Variants in KANSL1 observed in about 807,000 individuals in gnomAD.
The protein encoded by KANSL1 is KAT8 regulatory NSL complex subunit 1.
A neutral mutation model predicts 103.6 loss-of-function variants in KANSL1; 22 were observed. That is an observed-to-expected ratio of 0.21 (90% CI 0.15 to 0.30). The LOEUF (loss-of-function observed/expected upper bound fraction) is 0.30, where lower values mean the gene tolerates loss of function less well. KANSL1 is among the 10% of genes least tolerant of loss of function. KANSL1 has a pLI of 1.00. For synonymous variants in KANSL1, 600 were observed against 527.6 expected, an observed-to-expected ratio of 1.14 and a Z score of -1.88; for missense variants, 1,337 against 1,399.8, an observed-to-expected ratio of 0.96 and a Z score of 0.72.
chr17:46,072,939 T>C (rs970259807), intron 4 of KANSL1, among the ~76,000 whole-genome samples: 14 of 152,286 alleles, frequency 9.2e-5, no homozygotes, highest in Admixed American at 4.6e-4. Context: ...AATGCAAAAA[T>C]GCATCTTAAA....
At chr17:46,196,540 C>T (rs1248712041), upstream of KANSL1, 3 of 424,630 alleles carry the variant, frequency 7.1e-6, no homozygotes, top group African/African-American at 6.2e-5. Flanking sequence ...ATGCCACCAA[C>T]ATCAAAGGGA....
intron 2 of KANSL1, among the ~76,000 whole-genome samples, chr17:46,099,206 C>T (rs1344553494): frequency 6.9e-6 from 1 of 144,574 alleles, no homozygotes; most frequent in Admixed American, 7.1e-5. Flanking sequence ...CGCCTGTAGT[C>T]CCAGCTACTC....
chr17:46,030,240 A>AT lies in KANSL1; in HGVS notation c.*1235dup, dbSNP rs140510364. 21,656 of 150,202 alleles carry AT rather than the reference A, an allele frequency of 0.14. 2,111 individuals carry two copies. The highest frequency in any genetic ancestry group is 0.22 in the Middle Eastern group (63 of 288). 9.3% of individuals were successfully genotyped at this position (150,202 alleles called of 1,614,324 possible). A position where few individuals can be genotyped will look rare whatever the true frequency, so the allele number is the denominator to read the frequency against. ...GCATAGGGATATGGTGCATTATTGT[A>AT]TTTTTTTTTAAAGAAACAATGACAA... On this transcript the variant is annotated 3_prime_UTR_variant, in exon 15 of 15. Coordinates refer to ENST00000432791, the MANE Select transcript of KANSL1 (RefSeq NM_015443.4).
chr17:46,102,586 G>A (rs1225362117), intron 2 of KANSL1, among the ~76,000 whole-genome samples: 1 of 152,118 alleles, frequency 6.6e-6, no homozygotes, highest in Non-Finnish European at 1.5e-5. Flanking sequence ...AATTCATCCT[G>A]ACAGACCCTT....
chr17:46,036,738 G>A (rs77101615), intron 10 of KANSL1, among the ~76,000 whole-genome samples: 1 of 139,492 alleles, frequency 7.2e-6, no homozygotes, highest in Non-Finnish European at 1.6e-5. Context: ...TTTTTTTTTT[G>A]AGACGAAGTC....
chr17:46,077,940 T>C (rs1010757227), intron 4 of KANSL1, among the ~76,000 whole-genome samples: 5 of 152,202 alleles, frequency 3.3e-5, no homozygotes, highest in Non-Finnish European at 7.4e-5. Context: ...CATCTTTTTT[T>C]TTCTTTTTCC....
intron 1 of KANSL1, among the ~76,000 whole-genome samples, chr17:46,200,779 G>A (rs1330977273): frequency 6.6e-6 from 1 of 152,052 alleles, no homozygotes; most frequent in Non-Finnish European, 1.5e-5. Flanking sequence ...TTTTACGTCA[G>A]TTGCTGATTC....
intron 2 of KANSL1, among the ~76,000 whole-genome samples, chr17:46,166,806 C>T (rs575929446): frequency 6.6e-6 from 1 of 152,034 alleles, no homozygotes; most frequent in African/African-American, 2.4e-5. Context: ...ATTACAGCAC[C>T]CAGGTAATAA....
chr17:46,090,898 A>G (rs777208626), intron 3 of KANSL1, among the ~76,000 whole-genome samples: 2 of 152,166 alleles, frequency 1.3e-5, no homozygotes, highest in African/African-American at 4.8e-5. Context: ...AATAGCTGAT[A>G]ATAAAAGCTA....
At chr17:46,153,751 T>C (rs2532299) in intron 2 of KANSL1, among the ~76,000 whole-genome samples, 21,959 of 151,858 alleles carry the variant, frequency 0.14, 2,138 homozygotes, top group Non-Finnish European at 0.22. Context: ...ACCAAAAAAA[T>C]AAAGTATCAA....
intron 1 of KANSL1, among the ~76,000 whole-genome samples, chr17:46,217,011 G>A (rs1454890860): frequency 6.6e-6 from 1 of 151,848 alleles, no homozygotes; most frequent in Non-Finnish European, 1.5e-5. Context: ...GGAAGCTGAG[G>A]TGGGAGGATT....
At chr17:46,140,681 C>A (rs1460618467) in intron 2 of KANSL1, among the ~76,000 whole-genome samples, 1 of 152,158 alleles carries the variant, frequency 6.6e-6, no homozygotes, top group East Asian at 1.9e-4. Context: ...ACAAAAAACA[C>A]AATTCAACAA....
chr17:46,168,423 C>A (rs1256602030), intron 2 of KANSL1, among the ~76,000 whole-genome samples: 1 of 152,066 alleles, frequency 6.6e-6, no homozygotes, highest in Non-Finnish European at 1.5e-5. Flanking sequence ...TCTCAGCTCA[C>A]CGCAACCTCC....
In KANSL1 at chr17:46,143,855, G is replaced by A. The variant is rs924269372; in HGVS notation, c.1289+27000C>T. ...AAGTTGTTATCTTCCCAGTAGAAGA[G>A]ATGAGAAAATTTGAGGTCCAGATTG... On this transcript the variant is annotated intron_variant, in intron 2 of 14. Coordinates refer to ENST00000432791, the MANE Select transcript of KANSL1 (RefSeq NM_015443.4). Among the ~76,000 whole-genome samples the A allele has an allele frequency of 2.7e-5, 4 of 148,414 alleles. No homozygotes were observed. The East Asian group carries it at 7.9e-4, about 29-fold the overall frequency.
chr17:46,181,968 A>G (rs568898257), intron 1 of KANSL1, among the ~76,000 whole-genome samples: 1 of 151,890 alleles, frequency 6.6e-6, no homozygotes, highest in Non-Finnish European at 1.5e-5. Context: ...AATTCATATC[A>G]CTTTCTTCCT....
intron 1 of KANSL1, among the ~76,000 whole-genome samples, chr17:46,219,642 A>C (rs1420007386): frequency 6.6e-6 from 1 of 152,272 alleles, no homozygotes; most frequent in Non-Finnish European, 1.5e-5. Flanking sequence ...CTAGGATTAC[A>C]GGCGTGAGCC....
upstream of KANSL1, chr17:46,193,557 G>A (rs1473008115): frequency 1.3e-5 from 2 of 149,810 alleles, no homozygotes; most frequent in African/African-American, 2.5e-5. Context: ...CGCCCGCCGC[G>A]CCGCCCCCGC....
intron 2 of KANSL1, among the ~76,000 whole-genome samples, chr17:46,121,805 C>G (rs1162160319): frequency 6.6e-6 from 1 of 152,126 alleles, no homozygotes; most frequent in Non-Finnish European, 1.5e-5. Flanking sequence ...TCCCAATAAA[C>G]CCATCATAAT....
chr17:46,176,232 C>A (rs886623715), intron 1 of KANSL1, among the ~76,000 whole-genome samples: 5 of 152,208 alleles, frequency 3.3e-5, no homozygotes, highest in Non-Finnish European at 7.3e-5. Context: ...TTATGACTTA[C>A]ATAAAACTTA....
Sources: gnomAD v4.1 joint callset for allele counts (sites outside exome capture counted in the v4.1 genomes callset) on GRCh38, gnomAD v4.1.1 for gene constraint, MANE v1.5 for transcripts, NCBI Gene and HGNC (gene_info 2026-07-23, HGNC 2026-07-21) for gene names.